The following ANKS1B variants were observed in gnomAD, a reference collection of about 807,000 sequenced individuals.
The protein encoded by ANKS1B is ankyrin repeat and sterile alpha motif domain containing 1B.
A neutral mutation model predicts 148.3 loss-of-function variants in ANKS1B; 36 were observed. The ratio of observed to expected loss-of-function variants is 0.24; its 90% CI spans 0.19 to 0.32. ANKS1B has a LOEUF of 0.32. Ranked by LOEUF, ANKS1B falls within the 10% of genes least tolerant of loss-of-function variation. ANKS1B has a pLI of 1.00. For missense variants in ANKS1B, 1,157 were observed against 1,542.6 expected (o/e 0.75, Z 4.19); for synonymous variants, 542 against 560.8 (o/e 0.97, Z 0.47).
intron 1 of ANKS1B, among the ~76,000 whole-genome samples, chr12:99,894,670 T>C (rs934224269): frequency 2.0e-5 from 3 of 150,852 alleles, no homozygotes; most frequent in Admixed American, 2.0e-4. Context: ...ATAAATTACA[T>C]AAGATATTCC....
At chr12:99,979,130 T>C (rs2095662506) in intron 1 of ANKS1B, among the ~76,000 whole-genome samples, 1 of 151,990 alleles carries the variant, frequency 6.6e-6, no homozygotes, top group African/African-American at 2.4e-5. Flanking sequence ...TAAACTGAAA[T>C]TTCACATAAA....
rs889424637 is a variant in ANKS1B at position 99,407,770 on chromosome 12, A to G, written c.1576-7959T>C. Among the ~76,000 whole-genome samples the G allele has an allele frequency of 2.1e-5, 3 of 145,936 alleles. 1 individual carries two copies. The highest frequency in any genetic ancestry group is 4.5e-5 in the Non-Finnish European group (3 of 66,016). On this transcript the variant is annotated intron_variant, in intron 11 of 26. Coordinates refer to ENST00000683438, the MANE Select transcript of ANKS1B (RefSeq NM_001352186.2). ...TTACAATAGCTACAAATAAAATAAA[A>G]TATCTAGGAATAAACTTAACCAAAG...
At chr12:98,979,322 C>CAGTG (rs1172258255) in intron 17 of ANKS1B, among the ~76,000 whole-genome samples, 2 of 151,202 alleles carry the variant, frequency 1.3e-5, no homozygotes, top group Non-Finnish European at 2.9e-5. Flanking sequence ...GGCTGGAGTG[C>CAGTG]AGTGGCGCAA....
chr12:99,910,396 A>G (rs903505365), intron 1 of ANKS1B, among the ~76,000 whole-genome samples: 1 of 151,594 alleles, frequency 6.6e-6, no homozygotes, highest in Non-Finnish European at 1.5e-5. Flanking sequence ...AAGTACAGAT[A>G]CATGCAATAA....
intron 15 of ANKS1B, among the ~76,000 whole-genome samples, chr12:99,120,914 A>C (rs2062633721): frequency 6.6e-6 from 1 of 152,212 alleles, no homozygotes; most frequent in South Asian, 2.1e-4. Context: ...TGGACATTGC[A>C]TAATGGGAGA....
chr12:99,565,669 T>C (rs2097383355), intron 9 of ANKS1B, among the ~76,000 whole-genome samples: 1 of 152,136 alleles, frequency 6.6e-6, no homozygotes, highest in South Asian at 2.1e-4. Flanking sequence ...GTTTGTAGCT[T>C]AGTGGTTTTA....
intron 5 of ANKS1B, among the ~76,000 whole-genome samples, chr12:99,781,690 A>C (rs7965793): frequency 0.66 from 100,021 of 152,028 alleles, 33,040 homozygotes; most frequent in South Asian, 0.74. Context: ...GCAATTGTGA[A>C]AATTTCTCAA....
At chr12:99,221,910 A>G in intron 14 of ANKS1B, among the ~76,000 whole-genome samples, 1 of 152,206 alleles carries the variant, frequency 6.6e-6, no homozygotes, top group South Asian at 2.1e-4. Flanking sequence ...TATATAAACC[A>G]TTGTTATTGA....
chr12:99,626,604 A>G (rs1400364003), intron 9 of ANKS1B, among the ~76,000 whole-genome samples: 2 of 151,858 alleles, frequency 1.3e-5, no homozygotes, highest in African/African-American at 4.8e-5. Flanking sequence ...CTTCATGACC[A>G]CCCCAATCTT....
chr12:99,649,474 T>G lies in ANKS1B; in HGVS notation c.1272+5593A>C, dbSNP rs973045956. The G allele has an allele frequency of 4.2e-6, 5 of 1,196,700 alleles. No homozygotes were observed. The African/African-American group carries it at 7.5e-5, about 18-fold the overall frequency. 74.1% of individuals were successfully genotyped at this position (1,196,700 alleles called of 1,614,324 possible). On this transcript the variant is annotated intron_variant, in intron 9 of 26. Transcript: ENST00000683438. ...CAGTCATAAAACCTATAGTGCCTGA[T>G]GAAGGGGCAGGGTAGCAACAGCAGT...
At chr12:99,328,183 G>A (rs2086843148) in intron 12 of ANKS1B, among the ~76,000 whole-genome samples, 1 of 152,000 alleles carries the variant, frequency 6.6e-6, no homozygotes, top group Admixed American at 6.6e-5. Context: ...CAGCAAACAA[G>A]TTGAGTCCTA....
At chr12:98,912,156 TAGATATAA>T in intron 17 of ANKS1B, among the ~76,000 whole-genome samples, 1 of 152,354 alleles carries the variant, frequency 6.6e-6, no homozygotes, top group South Asian at 2.1e-4. Flanking sequence ...GTCTCTACTT[TAGATATAA>T]AGAAACTTAA....
At chr12:98,810,648 T>C (rs2099087662) in intron 19 of ANKS1B, among the ~76,000 whole-genome samples, 1 of 152,190 alleles carries the variant, frequency 6.6e-6, no homozygotes, top group Non-Finnish European at 1.5e-5. Context: ...CATGAGACAG[T>C]CTTAACTGCA....
chr12:99,744,172 C>T (rs1012425207), intron 8 of ANKS1B, among the ~76,000 whole-genome samples: 1 of 152,002 alleles, frequency 6.6e-6, no homozygotes, highest in Non-Finnish European at 1.5e-5. Flanking sequence ...TTGGGAATAA[C>T]AAAAGAGGGA....
chr12:99,288,492 TAATA>T (rs1390064397), intron 12 of ANKS1B, among the ~76,000 whole-genome samples: 2 of 152,142 alleles, frequency 1.3e-5, no homozygotes, highest in African/African-American at 4.8e-5. Context: ...TCACTGGTCA[TAATA>T]AATAAACAGA....
intron 16 of ANKS1B, among the ~76,000 whole-genome samples, chr12:99,076,313 G>A (rs780879425): frequency 2.2e-4 from 34 of 152,126 alleles, no homozygotes; most frequent in Non-Finnish European, 2.6e-4. Flanking sequence ...GTAAGGGAAG[G>A]AAGAAGATGA....
chr12:99,688,269 G>A (rs1002775061), intron 8 of ANKS1B, among the ~76,000 whole-genome samples: 1 of 152,186 alleles, frequency 6.6e-6, no homozygotes, highest in Admixed American at 6.5e-5. Flanking sequence ...CAAGCTACCT[G>A]AAATCTAAAC....
intron 11 of ANKS1B, among the ~76,000 whole-genome samples, chr12:99,411,017 A>G (rs1256905749): frequency 6.6e-6 from 1 of 152,228 alleles, no homozygotes; most frequent in East Asian, 1.9e-4. Flanking sequence ...TCACTACTGC[A>G]TCAGCAGTTT....
chr12:99,476,080 G>C (rs1157289887), intron 10 of ANKS1B, among the ~76,000 whole-genome samples: 1 of 152,132 alleles, frequency 6.6e-6, no homozygotes, highest in Non-Finnish European at 1.5e-5. Flanking sequence ...GAAAGAAAAA[G>C]ATTGATATAT....
Sources: gnomAD v4.1 joint callset for allele counts (sites outside exome capture counted in the v4.1 genomes callset) on GRCh38, gnomAD v4.1.1 for gene constraint, MANE v1.5 for transcripts, NCBI Gene and HGNC (gene_info 2026-07-23, HGNC 2026-07-21) for gene names.